PKP4: variants seen among roughly 807,000 people sequenced by gnomAD.
PKP4 encodes plakophilin-4.
PKP4 carries 90 observed loss-of-function variants against 145.1 expected under a neutral mutation model. That is an observed-to-expected ratio of 0.62 (90% CI 0.52 to 0.74). PKP4 has a LOEUF of 0.74. PKP4 is among the 30% of genes least tolerant of loss of function. The pLI is 0.00. For synonymous variants in PKP4, 563 were observed against 577.2 expected (o/e 0.98, Z 0.35); for missense variants, 1,340 against 1,482.7 (o/e 0.90, Z 1.58).
chr2:158,525,778 A>G (rs1244255348), intron 1 of PKP4, among the ~76,000 whole-genome samples: 6 of 146,268 alleles, frequency 4.1e-5, no homozygotes, highest in Admixed American at 3.4e-4. Flanking sequence ...TCAAATAGAC[A>G]CAATAAAAAA....
At chr2:158,559,745 G>T (rs1410289159) in intron 2 of PKP4, among the ~76,000 whole-genome samples, 3 of 152,054 alleles carry the variant, frequency 2.0e-5, no homozygotes, top group African/African-American at 7.2e-5. Flanking sequence ...TCATAAAATA[G>T]ACAAAGGAAA....
In PKP4 at chr2:158,532,677, C is replaced by G. The variant is rs2043673647; in HGVS notation, c.-5-503C>G. On this transcript the variant is annotated intron_variant, in intron 1 of 21. Coordinates refer to ENST00000389759, the MANE Select transcript of PKP4 (RefSeq NM_003628.6). The stretch of plus-strand genomic sequence containing the variant: ...GCTATGGGCCTAAAAAATAGATTTT[C>G]TTTTCAACACCACATTCCTAGTTAT... Among the ~76,000 whole-genome samples, 3 of 152,162 alleles carry G rather than the reference C, an allele frequency of 2.0e-5. No individual in the cohort carries two copies. In the East Asian group the frequency reaches 5.8e-4, roughly 29 times the overall value.
chr2:158,650,829 C>T (rs138846459), intron 11 of PKP4, among the ~76,000 whole-genome samples: 32 of 152,340 alleles, frequency 2.1e-4, no homozygotes, highest in African/African-American at 7.2e-4. Flanking sequence ...GTGAGCAAGG[C>T]AGGCCTGTCC....
rs775930559 is a variant in PKP4 at position 158,676,860 on chromosome 2, G to GTAC, written c.3250_3252dup (p.Tyr1084dup). The GTAC allele has an allele frequency of 6.2e-7, 1 of 1,614,000 alleles. No homozygotes were observed. The highest frequency in any genetic ancestry group is 1.1e-5 in the South Asian group (1 of 91,072). On this transcript the variant is annotated inframe_insertion, in exon 20 of 22. Coordinates refer to ENST00000389759, the MANE Select transcript of PKP4 (RefSeq NM_003628.6). ...AAGGGGATGCCACACATAAAGGCCT[G>GTAC]TACCCTGGTAAGACGCCAGTTGGGT...
intron 2 of PKP4, among the ~76,000 whole-genome samples, chr2:158,575,228 G>A (rs935119987): frequency 6.6e-6 from 1 of 152,170 alleles, no homozygotes; most frequent in Admixed American, 6.5e-5. Flanking sequence ...CCTAATGCAG[G>A]AAGCACAGCA....
At chr2:158,616,963 T>C (rs2051688664) in intron 4 of PKP4, among the ~76,000 whole-genome samples, 1 of 152,190 alleles carries the variant, frequency 6.6e-6, no homozygotes, top group Non-Finnish European at 1.5e-5. Context: ...ATAAAAAAGA[T>C]AAAATATCTC....
intron 11 of PKP4, among the ~76,000 whole-genome samples, chr2:158,649,681 A>G (rs537045035): frequency 5.9e-5 from 9 of 152,360 alleles, no homozygotes; most frequent in African/African-American, 2.2e-4. Flanking sequence ...GAGGCAGTCA[A>G]GTAGGGAGTC....
chr2:158,533,024 T>C (rs1271977964), intron 1 of PKP4, among the ~76,000 whole-genome samples, 156 bp from the exon 2 acceptor site: 3 of 152,226 alleles, frequency 2.0e-5, no homozygotes, highest in South Asian at 2.1e-4. Flanking sequence ...TATTTACTTA[T>C]TGGTTACCTG....
In PKP4 at chr2:158,643,986, C is replaced by T. The variant is rs563192320; in HGVS notation, c.1909+1287C>T. 3.3e-5 allele frequency among the ~76,000 whole-genome samples: 5 copies of T among 152,196 alleles called. No individual in the cohort carries two copies. In the South Asian group the frequency reaches 1.0e-3, roughly 32 times the overall value. ...TCACCATGTTGGCCAGACTGGTCTCCAACTTCTGACCTCAGGTGATCCGCC... is the reference window on the plus strand; with the variant it reads ...TCACCATGTTGGCCAGACTGGTCTCTAACTTCTGACCTCAGGTGATCCGCC... On this transcript the variant is annotated intron_variant, in intron 11 of 21. Coordinates refer to ENST00000389759, the MANE Select transcript of PKP4 (RefSeq NM_003628.6).
chr2:158,652,968 A>G (rs1371295704), intron 11 of PKP4, among the ~76,000 whole-genome samples: 1 of 152,172 alleles, frequency 6.6e-6, no homozygotes, highest in East Asian at 1.9e-4. Context: ...CTAAAACCAG[A>G]GCACTCAGAG....
intron 1 of PKP4, among the ~76,000 whole-genome samples, chr2:158,515,404 TGAGCCCA>T (rs1465546306): frequency 6.6e-6 from 1 of 152,036 alleles, no homozygotes; most frequent in African/African-American, 2.4e-5. Flanking sequence ...AAAAATTATT[TGAGCCCA>T]GGAGTTTGAG....
intron 8 of PKP4, among the ~76,000 whole-genome samples, chr2:158,633,070 C>T (rs2053516584): frequency 6.6e-6 from 1 of 152,164 alleles, no homozygotes; most frequent in Non-Finnish European, 1.5e-5. Context: ...ATATATCAGT[C>T]TTCTTTCCCT....
chr2:158,555,438 A>G (rs2046007527), intron 2 of PKP4, among the ~76,000 whole-genome samples: 1 of 152,252 alleles, frequency 6.6e-6, no homozygotes, highest in African/African-American at 2.4e-5. Context: ...ATATAAGTGT[A>G]AATAATTTGG....
intron 4 of PKP4, among the ~76,000 whole-genome samples, chr2:158,615,701 T>G (rs898152702): frequency 1.3e-5 from 2 of 152,222 alleles, no homozygotes; most frequent in African/African-American, 4.8e-5. Flanking sequence ...AGTTTATGCA[T>G]TCACAAAATT....
chr2:158,521,905 C>G (rs1441558717), intron 1 of PKP4, among the ~76,000 whole-genome samples: 1 of 152,166 alleles, frequency 6.6e-6, no homozygotes, highest in Non-Finnish European at 1.5e-5. Flanking sequence ...TTTTATCTGA[C>G]ATTAGTATCT....
At chr2:158,573,673 CTG>C (rs1303669411) in intron 2 of PKP4, among the ~76,000 whole-genome samples, 12 of 135,636 alleles carry the variant, frequency 8.8e-5, no homozygotes, top group African/African-American at 3.0e-4. Flanking sequence ...AAAAAAAAGA[CTG>C]TTTCAGATTG....
chr2:158,621,519 G>T (rs2052240159), intron 6 of PKP4, 98 bp downstream of exon 6: 1 of 961,758 alleles, frequency 1.0e-6, no homozygotes, highest in Non-Finnish European at 1.6e-6. Context: ...GCCGAGGCGG[G>T]TGGATCACCT....
chr2:158,572,783 A>G (rs1358970044), intron 2 of PKP4, among the ~76,000 whole-genome samples: 3 of 152,230 alleles, frequency 2.0e-5, no homozygotes, highest in African/African-American at 7.2e-5. Context: ...AAAATAAAAC[A>G]CAAGCAAAAT....
chr2:158,489,228 T>G (rs1299716091), intron 1 of PKP4, among the ~76,000 whole-genome samples: 1 of 152,226 alleles, frequency 6.6e-6, no homozygotes, highest in African/African-American at 2.4e-5. Context: ...TTGATATTAT[T>G]TCTCTGGGTG....
Sources: gnomAD v4.1 joint callset for allele counts (sites outside exome capture counted in the v4.1 genomes callset) on GRCh38, gnomAD v4.1.1 for gene constraint, MANE v1.5 for transcripts, NCBI Gene and HGNC (gene_info 2026-07-23, HGNC 2026-07-21) for gene names.